PBX1: variants seen among roughly 807,000 people sequenced by gnomAD.
The protein encoded by PBX1 is PBX homeobox 1, also known as pre-B-cell leukemia transcription factor 1.
PBX1 carries 6 observed loss-of-function variants against 53.4 expected under a neutral mutation model. The ratio of observed to expected loss-of-function variants is 0.11; its 90% CI spans 0.06 to 0.22. The LOEUF (loss-of-function observed/expected upper bound fraction) is 0.22. Among genes scored for constraint, PBX1 ranks in the 10% least tolerant of loss-of-function variants. The pLI is 1.00. For missense variants in PBX1, 251 were observed against 551.4 expected (o/e 0.46, Z 5.46); for synonymous variants, 204 against 212.3 (o/e 0.96, Z 0.34).
At chr1:164,756,856 TCAAA>T (rs1380137772) in intron 2 of PBX1, among the ~76,000 whole-genome samples, 2 of 152,180 alleles carry the variant, frequency 1.3e-5, no homozygotes, top group African/African-American at 4.8e-5. Context: ...ATTCTAAACT[TCAAA>T]TATACAATTC....
intron 2 of PBX1, chr1:164,605,304 T>A (rs947696951): frequency 2.0e-5 from 3 of 152,222 alleles, no homozygotes; most frequent in Non-Finnish European, 4.4e-5. Flanking sequence ...AATCCTTTTT[T>A]TTTTGTTTTG....
intron 2 of PBX1, among the ~76,000 whole-genome samples, chr1:164,584,310 T>A (rs543035429): frequency 4.0e-5 from 6 of 151,694 alleles, no homozygotes; most frequent in African/African-American, 1.5e-4. Context: ...TAGTCCGGCC[T>A]GGACAGCATA....
At chr1:164,561,547 G>A (rs1653046533) in intron 1 of PBX1, among the ~76,000 whole-genome samples, 1 of 152,144 alleles carries the variant, frequency 6.6e-6, no homozygotes, top group East Asian at 1.9e-4. Context: ...TTTTGAATTG[G>A]AACATTTTTC....
chr1:164,593,877 A>T (rs1347085789), intron 2 of PBX1, among the ~76,000 whole-genome samples: 1 of 152,044 alleles, frequency 6.6e-6, no homozygotes, highest in African/African-American at 2.4e-5. Flanking sequence ...TGAGCTCCTG[A>T]TTCTCTCAGA....
intron 2 of PBX1, among the ~76,000 whole-genome samples, chr1:164,583,109 G>A (rs1313754380): frequency 6.6e-6 from 1 of 152,136 alleles, no homozygotes; most frequent in Non-Finnish European, 1.5e-5. Flanking sequence ...ATGATTTACT[G>A]GGAATAAACA....
At chr1:164,854,427 A>ATCCATTGTGGAGAAAGGCGTT (rs1671933938), downstream of PBX1, 1 of 152,150 alleles carries the variant, frequency 6.6e-6, no homozygotes, top group African/African-American at 2.4e-5. Context: ...TTCTGGAAAC[A>ATCCATTGTGGAGAAAGGCGTT]TCCATTGTGG....
intron 2 of PBX1, among the ~76,000 whole-genome samples, chr1:164,587,928 T>G (rs1240468572): frequency 6.6e-6 from 1 of 152,188 alleles, no homozygotes; most frequent in African/African-American, 2.4e-5. Flanking sequence ...AGTCCCATTT[T>G]TATATGCAAG....
intron 2 of PBX1, chr1:164,657,232 G>A (rs183621102): frequency 6.6e-6 from 1 of 152,288 alleles, no homozygotes; most frequent in East Asian, 1.9e-4. Flanking sequence ...AGTCATTAGG[G>A]CAGTTCCACC....
At chr1:164,853,435 TTCAGTAGAGACATTTCCATG>T (rs1453534792), downstream of PBX1, among the ~76,000 whole-genome samples, 2 of 152,072 alleles carry the variant, frequency 1.3e-5, no homozygotes, top group African/African-American at 4.8e-5. Flanking sequence ...TGGACACACT[TTCAGTAGAGACATTTCCATG>T]TCAGCATTCC....
intron 2 of PBX1, among the ~76,000 whole-genome samples, chr1:164,690,836 G>A (rs1286065894): frequency 6.6e-6 from 1 of 151,642 alleles, no homozygotes; most frequent in East Asian, 1.9e-4. Flanking sequence ...AGGTAGACTA[G>A]GAATCATCCC....
At chr1:164,614,541 C>T (rs902549165) in intron 2 of PBX1, among the ~76,000 whole-genome samples, 3 of 152,150 alleles carry the variant, frequency 2.0e-5, no homozygotes, top group Admixed American at 6.5e-5. Flanking sequence ...GCACTTGCAA[C>T]GTCCCTACCT....
At chr1:164,560,113 G>A in intron 1 of PBX1, 100 bp downstream of exon 1, 1 of 875,586 alleles carries the variant, frequency 1.1e-6, no homozygotes, top group Non-Finnish European at 1.6e-6. Flanking sequence ...CGCTTTTTTT[G>A]AAAAATGTTA....
intron 2 of PBX1, among the ~76,000 whole-genome samples, chr1:164,633,143 C>T (rs994108866): frequency 1.3e-5 from 2 of 151,502 alleles, no homozygotes; most frequent in African/African-American, 4.9e-5. Flanking sequence ...CATCTCTCCT[C>T]TCTTTCTTTT....
chr1:164,671,385 G>A (rs1477792166), intron 2 of PBX1, among the ~76,000 whole-genome samples: 4 of 152,132 alleles, frequency 2.6e-5, no homozygotes, highest in African/African-American at 9.7e-5. Flanking sequence ...GTGTGAGGTG[G>A]AATTTTTCTT....
intron 2 of PBX1, among the ~76,000 whole-genome samples, chr1:164,589,020 G>A (rs1452584334): frequency 6.6e-6 from 1 of 152,070 alleles, no homozygotes; most frequent in Non-Finnish European, 1.5e-5. Flanking sequence ...CCCCGATGAA[G>A]GGTTCATCCA....
chr1:164,856,240 G>T (rs1039399947), downstream of PBX1, among the ~76,000 whole-genome samples: 2 of 152,100 alleles, frequency 1.3e-5, no homozygotes, highest in African/African-American at 4.8e-5. Flanking sequence ...TTGAATAACT[G>T]GTGCTGCTTC....
At chr1:164,629,924 A>G (rs1377612500) in intron 2 of PBX1, among the ~76,000 whole-genome samples, 1 of 152,188 alleles carries the variant, frequency 6.6e-6, no homozygotes, top group Non-Finnish European at 1.5e-5. Context: ...ATATTTATAT[A>G]TTTTTTATGG....
At chr1:164,640,020 CT>C (rs963863439) in intron 2 of PBX1, among the ~76,000 whole-genome samples, 6 of 152,104 alleles carry the variant, frequency 3.9e-5, no homozygotes, top group Non-Finnish European at 7.4e-5. Context: ...GACGAAGCCC[CT>C]GCCAAAGCCA....
At chr1:164,588,015 C>G (rs541840017) in intron 2 of PBX1, among the ~76,000 whole-genome samples, 2 of 152,326 alleles carry the variant, frequency 1.3e-5, no homozygotes, top group East Asian at 1.9e-4. Context: ...GACACCTGAT[C>G]TTTTTGGAAG....
Sources: gnomAD v4.1 joint callset for allele counts (sites outside exome capture counted in the v4.1 genomes callset) on GRCh38, gnomAD v4.1.1 for gene constraint, MANE v1.5 for transcripts, NCBI Gene and HGNC (gene_info 2026-07-23, HGNC 2026-07-21) for gene names.